Variants in PKNOX2 observed in about 807,000 individuals in gnomAD.
The protein encoded by PKNOX2 is PBX/knotted 1 homeobox 2.
PKNOX2 carries 14 observed loss-of-function variants against 53.1 expected under a neutral mutation model. The ratio of observed to expected loss-of-function variants is 0.26; its 90% confidence interval spans 0.17 to 0.41. The LOEUF is 0.41. Among genes scored for constraint, PKNOX2 ranks in the 10% least tolerant of loss-of-function variants. PKNOX2 has a pLI of 1.00. For missense variants in PKNOX2, 496 were observed against 602.8 expected (o/e 0.82, Z 1.85); for synonymous variants, 257 against 242.8 (o/e 1.06, Z -0.54).
chr11:125,377,643 C>CT (rs771702351), intron 5 of PKNOX2, among the ~76,000 whole-genome samples: 1 of 152,184 alleles, frequency 6.6e-6, no homozygotes, highest in Non-Finnish European at 1.5e-5. Context: ...CTGCTGAGTC[C>CT]TTTTACAGGG....
intron 2 of PKNOX2, among the ~76,000 whole-genome samples, chr11:125,315,328 A>AAAAAAAAAAAAAAAAAAAAAAC (rs1201379428): frequency 2.1e-5 from 3 of 144,816 alleles, no homozygotes; most frequent in African/African-American, 8.2e-5. Context: ...AAAAAAAAAA[A>AAAAAAAAAAAAAAAAAAAAAAC]CACCTCTCTC....
chr11:125,303,106 T>A (rs550897870), intron 2 of PKNOX2, among the ~76,000 whole-genome samples: 12 of 152,114 alleles, frequency 7.9e-5, no homozygotes, highest in Non-Finnish European at 7.4e-5. Context: ...GTGGGAAAAT[T>A]CCCATCACAC....
In PKNOX2 at chr11:125,397,943, G is replaced by T; in HGVS notation, c.469G>T (p.Asp157Tyr). The change falls in exon 7 of 13, where the codon GAC becomes TAC. Residue 157 changes from aspartate (D) to tyrosine (Y), a missense_variant. Coordinates refer to ENST00000298282, the MANE Select transcript of PKNOX2 (RefSeq NM_001382323.2). Reference protein sequence around the residue: ...ELEKVNELCKDFCNRYITCLK... With the variant: ...ELEKVNELCKYFCNRYITCLK... ...GGAGAAAGTCAATGAACTCTGCAAG[G>T]ACTTTTGTAACCGTTACATCACCTG... The T allele has an allele frequency of 1.2e-6, 2 of 1,614,096 alleles. No individual in the cohort carries two copies. The highest frequency in any genetic ancestry group is 1.7e-6 in the Non-Finnish European group (2 of 1,180,008).
intron 4 of PKNOX2, 53 bp from the exon 5 acceptor site, chr11:125,367,793 G>C (rs1370552941): frequency 1.3e-6 from 2 of 1,580,608 alleles, no homozygotes; most frequent in African/African-American, 2.7e-5. Flanking sequence ...ACAGCCTGGA[G>C]ACCAGCACCC....
intron 1 of PKNOX2, among the ~76,000 whole-genome samples, chr11:125,222,000 G>A (rs181294946): frequency 1.1e-4 from 16 of 152,302 alleles, no homozygotes; most frequent in African/African-American, 3.6e-4. Flanking sequence ...GGTGATTGGC[G>A]GTGCCTGGAG....
chr11:125,251,640 G>A (rs937206326), intron 2 of PKNOX2, among the ~76,000 whole-genome samples: 1 of 151,844 alleles, frequency 6.6e-6, no homozygotes, highest in Non-Finnish European at 1.5e-5. Context: ...GGGAGCAAGA[G>A]GGGAAGGGGC....
At chr11:125,420,767 G>A (rs1052978733) in intron 10 of PKNOX2, among the ~76,000 whole-genome samples, 1 of 152,150 alleles carries the variant, frequency 6.6e-6, no homozygotes, top group Non-Finnish European at 1.5e-5. Flanking sequence ...CTGAGATTCA[G>A]CATGCTGACT....
At chr11:125,262,818 T>C (rs1355402353) in intron 2 of PKNOX2, among the ~76,000 whole-genome samples, 1 of 152,126 alleles carries the variant, frequency 6.6e-6, no homozygotes, top group African/African-American at 2.4e-5. Flanking sequence ...ACTTCTCTGT[T>C]TCCCTCTCCC....
At chr11:125,395,591 A>C (rs1020990551) in intron 6 of PKNOX2, among the ~76,000 whole-genome samples, 1 of 152,034 alleles carries the variant, frequency 6.6e-6, no homozygotes, top group African/African-American at 2.4e-5. Flanking sequence ...TGGTGTTGTC[A>C]TATTTATTTC....
intron 1 of PKNOX2, among the ~76,000 whole-genome samples, chr11:125,229,779 G>T (rs1445973607): frequency 2.0e-5 from 3 of 152,094 alleles, no homozygotes; most frequent in Non-Finnish European, 2.9e-5. Context: ...TGGGGCCAGG[G>T]GGGGCTTGCT....
intron 2 of PKNOX2, among the ~76,000 whole-genome samples, chr11:125,279,323 C>T (rs972937735): frequency 1.3e-5 from 2 of 152,206 alleles, no homozygotes; most frequent in Admixed American, 1.3e-4. Flanking sequence ...CAAGTATCTA[C>T]CCTGCACTCA....
chr11:125,241,558 G>A (rs1252819142), intron 2 of PKNOX2, among the ~76,000 whole-genome samples: 1 of 152,146 alleles, frequency 6.6e-6, no homozygotes, highest in Non-Finnish European at 1.5e-5. Flanking sequence ...CTACAAGACT[G>A]ATTAAGAGAA....
intron 6 of PKNOX2, among the ~76,000 whole-genome samples, chr11:125,395,488 A>T (rs1251102169): frequency 6.6e-6 from 1 of 152,224 alleles, no homozygotes; most frequent in African/African-American, 2.4e-5. Context: ...GTTTTGTAAG[A>T]AATTGTCATA....
At chr11:125,411,410 G>A in intron 9 of PKNOX2, 1 of 403,206 alleles carries the variant, frequency 2.5e-6, no homozygotes, top group Non-Finnish European at 4.7e-6. Context: ...ACAGCTTATG[G>A]CAAATTCATA....
chr11:125,289,832 A>G (rs1947190564), intron 2 of PKNOX2, among the ~76,000 whole-genome samples: 1 of 152,230 alleles, frequency 6.6e-6, no homozygotes, highest in African/African-American at 2.4e-5. Flanking sequence ...GGTGCTCATT[A>G]GCTGTGTAAG....
intron 3 of PKNOX2, among the ~76,000 whole-genome samples, chr11:125,344,319 C>T (rs775817610): frequency 8.5e-5 from 13 of 152,136 alleles, no homozygotes; most frequent in Non-Finnish European, 1.6e-4. Context: ...GAGGTTTAGG[C>T]CCTCGGAAGT....
intron 10 of PKNOX2, among the ~76,000 whole-genome samples, chr11:125,428,306 A>T (rs752678899): frequency 1.3e-5 from 2 of 152,068 alleles, no homozygotes; most frequent in Non-Finnish European, 2.9e-5. Flanking sequence ...GAAAGACTGG[A>T]CCCAAATCGG....
At position 125,433,316 on chromosome 11, in the gene PKNOX2, C is replaced by T. The variant is rs1956780567; in HGVS notation, c.*1924C>T. 1 of 152,768 alleles carries T rather than the reference C, an allele frequency of 6.5e-6. No homozygotes were observed. The highest frequency in any genetic ancestry group is 1.5e-5 in the Non-Finnish European group (1 of 68,080). 9.5% of individuals were successfully genotyped at this position (152,768 alleles called of 1,614,324 possible). On this transcript the variant is annotated 3_prime_UTR_variant, in exon 13 of 13. Transcript: ENST00000298282. Reference sequence around the variant, plus strand: ...CCACCTGCCTAATGTTATGCAACCTCCTTCTGATGTATCCACCAAACCAGT... The same window carrying T: ...CCACCTGCCTAATGTTATGCAACCTTCTTCTGATGTATCCACCAAACCAGT...
chr11:125,308,686 A>C (rs200309588), intron 2 of PKNOX2, among the ~76,000 whole-genome samples: 7 of 151,884 alleles, frequency 4.6e-5, no homozygotes, highest in African/African-American at 1.7e-4. Context: ...ACCTGGTTTA[A>C]CTGCCGTGCT....
Sources: allele counts gnomAD v4.1 joint callset (sites outside exome capture counted in the v4.1 genomes callset), GRCh38; gene constraint gnomAD v4.1.1; transcripts MANE v1.5; gene names NCBI Gene and HGNC (gene_info 2026-07-23, HGNC 2026-07-21).